The following PPP1R9A variants were observed in gnomAD, a reference collection of about 807,000 sequenced individuals.
PPP1R9A encodes the protein neurabin-1.
PPP1R9A carries 59 observed loss-of-function variants against 141.9 expected under a neutral mutation model. That is an observed-to-expected ratio of 0.42 (90% CI 0.34 to 0.52). PPP1R9A has a LOEUF of 0.52. PPP1R9A is among the 20% of genes least tolerant of loss of function. The pLI is 0.10. For missense variants in PPP1R9A, 1,444 were observed against 1,611.9 expected, an observed-to-expected ratio of 0.90 and a Z score of 1.78; for synonymous variants, 500 against 569.7, an observed-to-expected ratio of 0.88 and a Z score of 1.74.
At chr7:95,006,121 T>C (rs1803547244) in intron 2 of PPP1R9A, among the ~76,000 whole-genome samples, 1 of 152,084 alleles carries the variant, frequency 6.6e-6, no homozygotes, top group Non-Finnish European at 1.5e-5. Context: ...CAAGAATCTT[T>C]CCACAAAATC....
At chr7:95,212,596 G>A (rs974769930) in intron 7 of PPP1R9A, among the ~76,000 whole-genome samples, 1 of 152,108 alleles carries the variant, frequency 6.6e-6, no homozygotes, top group African/African-American at 2.4e-5. Context: ...CTGATTTTAG[G>A]TAATGTGGTT....
chr7:95,000,346 T>C (rs1802746864), intron 2 of PPP1R9A, among the ~76,000 whole-genome samples: 2 of 152,190 alleles, frequency 1.3e-5, no homozygotes, highest in Admixed American at 1.3e-4. Context: ...TGGCTGTTGA[T>C]TTCATGTAGA....
chr7:95,068,485 A>AAG (rs1265052133), intron 2 of PPP1R9A, among the ~76,000 whole-genome samples: 1 of 151,072 alleles, frequency 6.6e-6, no homozygotes, highest in East Asian at 1.9e-4. Flanking sequence ...AAAAAAAAAA[A>AAG]AAAAAAAAAA....
At chr7:95,025,178 TG>T (rs1806638250) in intron 2 of PPP1R9A, among the ~76,000 whole-genome samples, 1 of 152,102 alleles carries the variant, frequency 6.6e-6, no homozygotes, top group Admixed American at 6.5e-5. Flanking sequence ...GCAATTCTCC[TG>T]CCTCAGCCTC....
intron 2 of PPP1R9A, among the ~76,000 whole-genome samples, chr7:94,960,451 T>C (rs902499006): frequency 6.6e-6 from 1 of 151,744 alleles, no homozygotes; most frequent in Non-Finnish European, 1.5e-5. Flanking sequence ...CTTTATGTTA[T>C]AAATGATAGT....
At chr7:95,188,432 C>A (rs2152821200) in intron 5 of PPP1R9A, among the ~76,000 whole-genome samples, 1 of 152,216 alleles carries the variant, frequency 6.6e-6, no homozygotes, top group East Asian at 1.9e-4. Flanking sequence ...GATTTTTAAT[C>A]CATTCTACCA....
Position 95,293,556 on chromosome 7 carries a change from T to C in PPP1R9A, c.*3253T>C, listed in dbSNP as rs979537927. 2.0e-5 allele frequency: 3 copies of C among 152,222 alleles called. No individual in the cohort carries two copies. The highest frequency in any genetic ancestry group is 7.2e-5 in the African/African-American group (3 of 41,462). The allele number at this position is 152,222 out of a possible 1,614,324, so 9.4% of individuals were successfully genotyped here. On this transcript the variant is annotated 3_prime_UTR_variant, in exon 20 of 20. Coordinates refer to ENST00000433360, the MANE Select transcript of PPP1R9A (RefSeq NM_001166160.2). ...GCTTTCAACTGGCACAAAATGGGAC[T>C]GTCACCTTTTGCTCCATTGTTGTTG... is the stretch of plus-strand genomic sequence containing the variant.
At chr7:95,134,360 C>G (rs566408779) in intron 4 of PPP1R9A, among the ~76,000 whole-genome samples, 3 of 152,122 alleles carry the variant, frequency 2.0e-5, no homozygotes, top group Non-Finnish European at 4.4e-5. Flanking sequence ...GGATAAATAC[C>G]TAATGCATGC....
chr7:95,081,790 A>G (rs779275398), intron 2 of PPP1R9A, among the ~76,000 whole-genome samples: 27 of 152,224 alleles, frequency 1.8e-4, no homozygotes, highest in Non-Finnish European at 2.2e-4. Flanking sequence ...AAGTCTTGCT[A>G]CAATTATGAA....
intron 5 of PPP1R9A, among the ~76,000 whole-genome samples, chr7:95,189,653 GTCTC>G: frequency 6.6e-6 from 1 of 151,572 alleles, no homozygotes; most frequent in Non-Finnish European, 1.5e-5. Context: ...AGCCGGGATG[GTCTC>G]GATCTCCTGA....
Position 95,294,437 on chromosome 7 carries a change from A to G in PPP1R9A, c.*4134A>G, listed in dbSNP as rs945168752. On this transcript the variant is annotated 3_prime_UTR_variant, in exon 20 of 20. Transcript: ENST00000433360. ...GCATGTGCCACCACCCCCAGCCAAA[A>G]CATCCATATTTTCTATTAGAATGGT... is the stretch of plus-strand genomic sequence containing the variant. 6.6e-6 allele frequency: 1 copy of G among 151,710 alleles called. No homozygotes were observed. The highest frequency in any genetic ancestry group is 1.5e-5 in the Non-Finnish European group (1 of 67,946). 9.4% of individuals were successfully genotyped at this position (151,710 alleles called of 1,614,324 possible). A position where few individuals can be genotyped will look rare whatever the true frequency, so the allele number is the denominator to read the frequency against.
At chr7:95,017,451 G>C (rs144641168) in intron 2 of PPP1R9A, among the ~76,000 whole-genome samples, 1 of 152,038 alleles carries the variant, frequency 6.6e-6, no homozygotes. Context: ...TCCTAACAGC[G>C]TACTGTTGGA....
intron 4 of PPP1R9A, among the ~76,000 whole-genome samples, chr7:95,133,201 A>G (rs189131859): frequency 6.6e-5 from 10 of 152,218 alleles, no homozygotes; most frequent in African/African-American, 9.6e-5. Context: ...GCCTGCCTGG[A>G]AAAAGCACCA....
chr7:95,273,968 G>T lies in PPP1R9A; in HGVS notation c.3194G>T (p.Arg1065Leu). The T allele has an allele frequency of 1.3e-6, 2 of 1,504,406 alleles. No homozygotes were observed. 93.2% of individuals were successfully genotyped at this position (1,504,406 alleles called of 1,614,324 possible). A position where few individuals can be genotyped will look rare whatever the true frequency, so the allele number is the denominator to read the frequency against. ...SLAVQGGKIK[R>L]KFVDLGAPLR... The stretch of plus-strand genomic sequence containing the variant: ...GCGGTGCAAGGAGGAAAAATTAAGC[G>T]GAAGTTTGTGGATCTGGGGTAAGCA... The change falls in exon 15 of 20, where the codon CGG (arginine) becomes CTG (leucine). Residue 1065 changes from arginine to leucine, a missense_variant. Coordinates refer to ENST00000433360, the MANE Select transcript of PPP1R9A (RefSeq NM_001166160.2).
In PPP1R9A at chr7:94,910,152, C is replaced by T. The variant is rs1443182970; in HGVS notation, c.39C>T (p.Leu13=). ...AGTCTTCAGGTGAACGAACCACTCT[C>T]AGAAGTGCCTCTCCTCACAGGAATG... ...KTESSGERTT[L]RSASPHRNAY... Residue 13 remains leucine, a synonymous_variant, in exon 2 of 20, where the codon CTC becomes CTT. Transcript: ENST00000433360. The surrounding 1 kb of genome is among the most constrained non-coding windows in gnomAD (Gnocchi z 4.5). 6.2e-7 allele frequency: 1 copy of T among 1,613,684 alleles called. No homozygotes were observed. Among genetic ancestry groups the T allele is most frequent in the Admixed American group, 1.7e-5 (1 of 59,938 alleles).
intron 2 of PPP1R9A, among the ~76,000 whole-genome samples, chr7:95,091,661 A>C (rs994087469): frequency 2.6e-5 from 4 of 151,840 alleles, no homozygotes; most frequent in African/African-American, 9.7e-5. Flanking sequence ...TTTGTAGATG[A>C]AAAATTACTT....
At chr7:95,196,254 G>A (rs1288508839) in intron 5 of PPP1R9A, among the ~76,000 whole-genome samples, 1 of 152,000 alleles carries the variant, frequency 6.6e-6, no homozygotes, top group African/African-American at 2.4e-5. Context: ...TCAGGGCAAT[G>A]GAAATTAAAA....
chr7:95,275,113 G>A (rs1802916758), intron 16 of PPP1R9A, among the ~76,000 whole-genome samples: 1 of 152,140 alleles, frequency 6.6e-6, no homozygotes, highest in Admixed American at 6.6e-5. Flanking sequence ...GATCCTTATA[G>A]GATTGAGAGG....
At chr7:95,152,388 A>G (rs909557794) in intron 4 of PPP1R9A, among the ~76,000 whole-genome samples, 1 of 152,188 alleles carries the variant, frequency 6.6e-6, no homozygotes, top group Admixed American at 6.5e-5. Flanking sequence ...GTAAAGATCC[A>G]TGCATTCTTC....
Sources: gnomAD v4.1 joint callset for allele counts (sites outside exome capture counted in the v4.1 genomes callset) on GRCh38, gnomAD v4.1.1 for gene constraint, Gnocchi (gnomAD v3.1) non-coding constraint, MANE v1.5 for transcripts, NCBI Gene and HGNC (gene_info 2026-07-23, HGNC 2026-07-21) for gene names.